SMARCC1: variants seen among roughly 807,000 people sequenced by gnomAD.
The protein encoded by SMARCC1 is SWI/SNF complex subunit SMARCC1.
A neutral mutation model predicts 147.4 loss-of-function variants in SMARCC1; 43 were observed. The ratio of observed to expected loss-of-function variants is 0.29; its 90% confidence interval spans 0.23 to 0.38. The LOEUF (loss-of-function observed/expected upper bound fraction) is 0.38. SMARCC1 is among the 10% of genes least tolerant of loss of function. SMARCC1 has a pLI of 1.00. For synonymous variants in SMARCC1, 495 were observed against 484.4 expected, an observed-to-expected ratio of 1.02 and a Z score of -0.29; for missense variants, 1,119 against 1,381.1, an observed-to-expected ratio of 0.81 and a Z score of 3.01.
At chr3:47,727,717 G>T (rs143791248) in intron 6 of SMARCC1, among the ~76,000 whole-genome samples, 63 of 151,910 alleles carry the variant, frequency 4.1e-4, no homozygotes, top group Middle Eastern at 3.4e-3. Flanking sequence ...CCAGGTTCAA[G>T]CGATTCTCCT....
At position 47,590,649 on chromosome 3, in the gene SMARCC1, C is replaced by A; in HGVS notation, c.3220+12G>T. The A allele has an allele frequency of 6.7e-7, 1 of 1,500,984 alleles. No homozygotes were observed. The highest frequency in any genetic ancestry group is 8.8e-7 in the Non-Finnish European group (1 of 1,130,198). 93.0% of individuals were successfully genotyped at this position (1,500,984 alleles called of 1,614,324 possible). Reference sequence around the variant, plus strand: ...ACCCTGAGATAATGCATCCCCCCTCCATGTTACTTACACATGCCGTTAGGT... The same window carrying A: ...ACCCTGAGATAATGCATCCCCCCTCAATGTTACTTACACATGCCGTTAGGT... On this transcript the variant is annotated intron_variant, in intron 27 of 27. Transcript: ENST00000254480.
intron 1 of SMARCC1, among the ~76,000 whole-genome samples, chr3:47,776,774 T>C (rs1171457709): frequency 6.6e-6 from 1 of 151,822 alleles, no homozygotes; most frequent in Non-Finnish European, 1.5e-5. Context: ...TAAATATATA[T>C]ATATTTTTTC....
At chr3:47,604,937 G>C (rs1332721789) in intron 26 of SMARCC1, among the ~76,000 whole-genome samples, 1 of 152,218 alleles carries the variant, frequency 6.6e-6, no homozygotes, top group African/African-American at 2.4e-5. Flanking sequence ...CTGGCCTCAA[G>C]TGGTCCACCT....
chr3:47,623,325 T>C (rs1467730098), intron 24 of SMARCC1, among the ~76,000 whole-genome samples: 1 of 152,058 alleles, frequency 6.6e-6, no homozygotes, highest in East Asian at 1.9e-4. Flanking sequence ...AGAAATAGCA[T>C]GGAGTGGCTA....
intron 21 of SMARCC1, among the ~76,000 whole-genome samples, chr3:47,646,313 C>T (rs756318687): frequency 6.6e-6 from 1 of 152,156 alleles, no homozygotes; most frequent in Non-Finnish European, 1.5e-5. Context: ...TGGTCTGAAT[C>T]ATAAACACTT....
chr3:47,777,459 G>A (rs1332773327), intron 1 of SMARCC1, among the ~76,000 whole-genome samples: 2 of 151,966 alleles, frequency 1.3e-5, no homozygotes, highest in Non-Finnish European at 2.9e-5. Flanking sequence ...TTGGGAGGAC[G>A]AGGTTAGAGG....
In SMARCC1 at chr3:47,594,292, A is replaced by G. The variant is rs868719114; in HGVS notation, c.3044-3455T>C. Among the ~76,000 whole-genome samples the G allele has an allele frequency of 8.5e-5, 13 of 152,298 alleles. No individual in the cohort carries two copies. In the South Asian group the frequency reaches 1.0e-3, roughly 12 times the overall value. On this transcript the variant is annotated intron_variant, in intron 26 of 27. Transcript: ENST00000254480. ...TGGGCCCTGTGGCCCATCTTTCTGCACTCTATAATGTAACGCAAAGCCTAG... is the reference window on the plus strand; with the variant it reads ...TGGGCCCTGTGGCCCATCTTTCTGCGCTCTATAATGTAACGCAAAGCCTAG...
rs1053221583 is a variant in SMARCC1 at position 47,616,635 on chromosome 3, G to A, written c.2781+5572C>T. Among the ~76,000 whole-genome samples, 6 of 151,746 alleles carry A rather than the reference G, an allele frequency of 4.0e-5. No individual in the cohort carries two copies. In the South Asian group the frequency reaches 8.3e-4, roughly 21 times the overall value. On this transcript the variant is annotated intron_variant, in intron 25 of 27. Coordinates refer to ENST00000254480, the MANE Select transcript of SMARCC1 (RefSeq NM_003074.4). ...TAATTTTTGTATTTTTAGTAGAGAC[G>A]GGGTTTCACCATGTTGGCCAGGCTG...
chr3:47,722,719 C>G (rs991451331), intron 6 of SMARCC1, among the ~76,000 whole-genome samples: 10 of 151,892 alleles, frequency 6.6e-5, no homozygotes, highest in Non-Finnish European at 2.9e-5. Context: ...AAATTTATAC[C>G]CAAAAATGAA....
intron 21 of SMARCC1, among the ~76,000 whole-genome samples, chr3:47,642,592 AAACAACAACAAC>A (rs34383211): frequency 6.0e-5 from 9 of 150,482 alleles, no homozygotes; most frequent in African/African-American, 1.9e-4. Flanking sequence ...TTTGTCCCAA[AAACAACAACAAC>A]AACAACAACA....
intron 14 of SMARCC1, among the ~76,000 whole-genome samples, chr3:47,684,023 C>T (rs1054709756): frequency 1.3e-5 from 2 of 152,212 alleles, no homozygotes; most frequent in East Asian, 3.9e-4. Context: ...GAGGCCGAGG[C>T]GGGCGGATCA....
chr3:47,666,221 T>C (rs59375673), intron 19 of SMARCC1, among the ~76,000 whole-genome samples: 2,533 of 152,274 alleles, frequency 0.017, 78 homozygotes, highest in African/African-American at 0.058. Context: ...GGAAACATCA[T>C]GTTTTAGGAC....
intron 9 of SMARCC1, among the ~76,000 whole-genome samples, chr3:47,708,164 A>G (rs1241208692): frequency 8.6e-6 from 1 of 115,916 alleles, no homozygotes; most frequent in Non-Finnish European, 1.6e-5. Flanking sequence ...CAGTGGCGCG[A>G]TCTCAGCTCA....
At chr3:47,733,615 G>A (rs775288506) in intron 5 of SMARCC1, among the ~76,000 whole-genome samples, 9 of 150,496 alleles carry the variant, frequency 6.0e-5, no homozygotes, top group South Asian at 2.1e-4. Context: ...GGCCAGGTGC[G>A]GTGGCTCATG....
At chr3:47,594,721 T>C (rs2032242441) in intron 26 of SMARCC1, among the ~76,000 whole-genome samples, 1 of 152,156 alleles carries the variant, frequency 6.6e-6, no homozygotes, top group Non-Finnish European at 1.5e-5. Context: ...GGAAAGGGAT[T>C]AGGGATAGGA....
intron 11 of SMARCC1, among the ~76,000 whole-genome samples, chr3:47,698,508 T>C (rs759529864): frequency 6.6e-6 from 1 of 152,080 alleles, no homozygotes; most frequent in African/African-American, 2.4e-5. Context: ...GAATACATGA[T>C]TTTTTAAAAA....
At chr3:47,610,530 T>C (rs1327354952) in intron 25 of SMARCC1, 2 of 605,506 alleles carry the variant, frequency 3.3e-6, no homozygotes, top group East Asian at 2.8e-5. Context: ...GTTACCATGG[T>C]CAAAGTCTTC....
At chr3:47,735,855 C>T (rs779746042) in intron 5 of SMARCC1, among the ~76,000 whole-genome samples, 179 bp downstream of exon 5, 5 of 135,080 alleles carry the variant, frequency 3.7e-5, no homozygotes, top group Admixed American at 1.6e-4. Context: ...GCCTGGGCAA[C>T]AAAGTGACAC....
At position 47,670,730 on chromosome 3, in the gene SMARCC1, A is replaced by T; in HGVS notation, c.1840-13T>A. On this transcript the variant is annotated splice_polypyrimidine_tract_variant and intron_variant, in intron 18 of 27. Coordinates refer to ENST00000254480, the MANE Select transcript of SMARCC1 (RefSeq NM_003074.4). Reference sequence around the variant, plus strand: ...TAGCACCTTTACTCTAAGGAAACAAAATCAGAAATTATTTGCTCATTTTTA... The same window carrying T: ...TAGCACCTTTACTCTAAGGAAACAATATCAGAAATTATTTGCTCATTTTTA... The T allele has an allele frequency of 6.5e-7, 1 of 1,537,402 alleles. No individual in the cohort carries two copies. The highest frequency in any genetic ancestry group is 9.0e-7 in the Non-Finnish European group (1 of 1,109,102).
Sources: gnomAD v4.1 joint callset for allele counts (sites outside exome capture counted in the v4.1 genomes callset) on GRCh38, gnomAD v4.1.1 for gene constraint, MANE v1.5 for transcripts, NCBI Gene and HGNC (gene_info 2026-07-23, HGNC 2026-07-21) for gene names.